The following LRRC20 variants were observed in gnomAD, a reference collection of about 807,000 sequenced individuals.
The protein encoded by LRRC20 is leucine rich repeat containing 20.
In LRRC20, 11 loss-of-function variants were observed where a neutral mutation model predicts 14.4. The ratio of observed to expected loss-of-function variants is 0.77; its 90% CI spans 0.48 to 1.27. The LOEUF is 1.27. LRRC20 is among the 50% of genes most tolerant of loss of function. The pLI is 0.00. For synonymous variants in LRRC20, 121 were observed against 107.3 expected (o/e 1.13, Z -0.79); for missense variants, 219 against 251.2 (o/e 0.87, Z 0.87).
chr10:70,306,110 C>T (rs1182801807), intron 4 of LRRC20, among the ~76,000 whole-genome samples: 1 of 151,144 alleles, frequency 6.6e-6, no homozygotes, highest in African/African-American at 2.4e-5. Flanking sequence ...CTGTCTCTCT[C>T]TCTCTCTCTC....
intron 2 of LRRC20, among the ~76,000 whole-genome samples, chr10:70,353,355 GT>G (rs923740170): frequency 1.3e-4 from 17 of 132,512 alleles, no homozygotes; most frequent in African/African-American, 4.2e-4. Flanking sequence ...ATCTCAGCTT[GT>G]CATGCATTAA....
At chr10:70,306,648 T>C (rs936382419) in intron 4 of LRRC20, among the ~76,000 whole-genome samples, 4 of 152,224 alleles carry the variant, frequency 2.6e-5, no homozygotes, top group African/African-American at 4.8e-5. Flanking sequence ...TTCTCCACTA[T>C]ATAATTACTA....
At chr10:70,357,342 T>C (rs138416892) in intron 2 of LRRC20, among the ~76,000 whole-genome samples, 2 of 152,354 alleles carry the variant, frequency 1.3e-5, no homozygotes, top group East Asian at 3.9e-4. Flanking sequence ...TTTTAAAATG[T>C]AAACGTTACA....
At chr10:70,344,713 C>A (rs569225385) in intron 2 of LRRC20, among the ~76,000 whole-genome samples, 25 of 152,086 alleles carry the variant, frequency 1.6e-4, no homozygotes, top group Non-Finnish European at 3.1e-4. Flanking sequence ...ACTACAGGCA[C>A]GTGCCATCAA....
intron 2 of LRRC20, among the ~76,000 whole-genome samples, chr10:70,372,258 A>G (rs940824243): frequency 1.2e-4 from 18 of 152,196 alleles, no homozygotes; most frequent in Non-Finnish European, 2.1e-4. Flanking sequence ...CGTTCATTAT[A>G]GAACATTTAG....
intron 3 of LRRC20, among the ~76,000 whole-genome samples, chr10:70,331,092 C>T (rs1443202758): frequency 6.6e-6 from 1 of 152,228 alleles, no homozygotes; most frequent in South Asian, 2.1e-4. Context: ...TCTGTTCTCA[C>T]TGAAATTCCT....
chr10:70,329,654 C>T (rs1239744301), intron 3 of LRRC20, among the ~76,000 whole-genome samples: 5 of 151,688 alleles, frequency 3.3e-5, no homozygotes, highest in Non-Finnish European at 7.4e-5. Context: ...TTCTGCCTCC[C>T]GGGTTCAAGC....
At chr10:70,338,481 A>G (rs1376655327) in intron 3 of LRRC20, among the ~76,000 whole-genome samples, 1 of 152,182 alleles carries the variant, frequency 6.6e-6, no homozygotes, top group East Asian at 1.9e-4. Context: ...CCTAGATCCT[A>G]GATGATATTC....
intron 1 of LRRC20, among the ~76,000 whole-genome samples, chr10:70,380,587 A>G (rs1013970688): frequency 6.6e-5 from 10 of 152,228 alleles, no homozygotes; most frequent in Admixed American, 1.3e-4. Flanking sequence ...GCCAGCTGGC[A>G]CTACTGGCCC....
At chr10:70,340,505 C>G (rs753777960) in intron 3 of LRRC20, 48 bp downstream of exon 3, 5 of 1,610,032 alleles carry the variant, frequency 3.1e-6, no homozygotes. Flanking sequence ...AGAGCCTGAA[C>G]GATGAGAGCT....
chr10:70,346,925 A>C (rs918718342), intron 2 of LRRC20, among the ~76,000 whole-genome samples: 1 of 152,186 alleles, frequency 6.6e-6, no homozygotes, highest in African/African-American at 2.4e-5. Context: ...TCGCTCTGCC[A>C]CCCAGGCTGG....
chr10:70,361,461 C>T (rs1022127300), intron 2 of LRRC20, among the ~76,000 whole-genome samples: 11 of 152,204 alleles, frequency 7.2e-5, no homozygotes, highest in African/African-American at 2.7e-4. Context: ...GTAACTGAGG[C>T]AGGGGCAGGG....
At chr10:70,310,784 C>T (rs1320690564) in intron 4 of LRRC20, among the ~76,000 whole-genome samples, 3 of 152,236 alleles carry the variant, frequency 2.0e-5, no homozygotes, top group Admixed American at 6.5e-5. Context: ...GGGGCCCATT[C>T]CCTGGCCTCA....
chr10:70,365,083 G>C (rs185898915), intron 2 of LRRC20, among the ~76,000 whole-genome samples: 5,242 of 107,378 alleles, frequency 0.049, 142 homozygotes, highest in East Asian at 0.073. Context: ...TTTTTGAGAT[G>C]AAGTCTTGCT....
chr10:70,320,296 GAGATAGATAGATAGATAGAT>G lies in LRRC20; in HGVS notation c.400+3547_400+3566del, dbSNP rs10555469. ...AATACCATTTTTCATCATGTCCCAGGAGATAGATAGATAGATAGATAGATAGATAGATAGATAGATAGATA... is the reference window on the plus strand; with the variant it reads ...AATACCATTTTTCATCATGTCCCAGGAGATAGATAGATAGATAGATAGATA... On this transcript the variant is annotated intron_variant, in intron 4 of 4. Transcript: ENST00000446961. Among the ~76,000 whole-genome samples, 396 of 148,436 alleles carry G rather than the reference GAGATAGATAGATAGATAGAT, an allele frequency of 2.7e-3. 1 individual carries two copies. Among genetic ancestry groups the G allele is most frequent in the African/African-American group, 9.1e-3 (366 of 40,114 alleles).
chr10:70,342,550 C>G (rs555491252), intron 2 of LRRC20, among the ~76,000 whole-genome samples: 4 of 152,252 alleles, frequency 2.6e-5, no homozygotes, highest in South Asian at 4.1e-4. Flanking sequence ...AGGTGTCACT[C>G]AAGTTCCCTG....
intron 3 of LRRC20, among the ~76,000 whole-genome samples, chr10:70,330,231 G>A (rs1228786859): frequency 6.6e-6 from 1 of 151,486 alleles, no homozygotes; most frequent in African/African-American, 2.4e-5. Flanking sequence ...GCAATCACCT[G>A]GGCTTGGAGA....
intron 4 of LRRC20, among the ~76,000 whole-genome samples, chr10:70,313,890 A>G (rs922271381): frequency 2.6e-5 from 4 of 152,176 alleles, no homozygotes; most frequent in South Asian, 2.1e-4. Context: ...CTGGACCGGT[A>G]TATTAGTCCA....
intron 3 of LRRC20, among the ~76,000 whole-genome samples, chr10:70,333,305 G>A (rs1422214264): frequency 6.6e-6 from 1 of 152,174 alleles, no homozygotes; most frequent in African/African-American, 2.4e-5. Context: ...GGGCTGTTGA[G>A]GTCTGCTGGT....
Sources: gnomAD v4.1 joint callset for allele counts (sites outside exome capture counted in the v4.1 genomes callset) on GRCh38, gnomAD v4.1.1 for gene constraint, MANE v1.5 for transcripts, NCBI Gene and HGNC (gene_info 2026-07-23, HGNC 2026-07-21) for gene names.